GPR83: variants seen among roughly 807,000 people sequenced by gnomAD.
GPR83 encodes the protein G protein-coupled receptor 83, also known as G-protein coupled receptor 72.
GPR83 carries 23 observed loss-of-function variants against 28.0 expected under a neutral mutation model. The ratio of observed to expected loss-of-function variants is 0.82; its 90% CI spans 0.59 to 1.16. The LOEUF (loss-of-function observed/expected upper bound fraction) is 1.16, where lower values mean the gene tolerates loss of function less well. Among genes scored for constraint, GPR83 ranks in the 50% most tolerant of loss-of-function variants. The pLI is 0.00. For missense variants in GPR83, 610 were observed against 536.6 expected, an observed-to-expected ratio of 1.14 and a Z score of -1.35; for synonymous variants, 234 against 215.4, an observed-to-expected ratio of 1.09 and a Z score of -0.76.
rs944642429 is a variant in GPR83 at position 94,377,503 on chromosome 11, A to T, written c.*2646T>A. ...GCCATCAGTGGGTTCTCCCCAGAGT[A>T]AAAGGGTTTTCTCTGGGACTTGGCA... On this transcript the variant is annotated 3_prime_UTR_variant, in exon 4 of 4. Coordinates refer to ENST00000243673, the MANE Select transcript of GPR83 (RefSeq NM_016540.4). 6.6e-6 allele frequency: 1 copy of T among 152,198 alleles called. No homozygotes were observed. Among genetic ancestry groups the T allele is most frequent in the African/African-American group, 2.4e-5 (1 of 41,454 alleles). 9.4% of individuals were successfully genotyped at this position (152,198 alleles called of 1,614,324 possible).
chr11:94,391,601 C>T (rs1412796066), intron 3 of GPR83, among the ~76,000 whole-genome samples: 1 of 152,112 alleles, frequency 6.6e-6, no homozygotes, highest in East Asian at 1.9e-4. Flanking sequence ...CCAGGATCTA[C>T]AAAGAACTTA....
chr11:94,390,660 C>A (rs1254341230), intron 3 of GPR83, among the ~76,000 whole-genome samples: 2 of 152,054 alleles, frequency 1.3e-5, no homozygotes, highest in Non-Finnish European at 2.9e-5. Context: ...AAAATCACGA[C>A]CATTCCTATA....
chr11:94,398,311 C>A (rs968029499), intron 1 of GPR83, among the ~76,000 whole-genome samples: 2 of 152,182 alleles, frequency 1.3e-5, no homozygotes, highest in African/African-American at 4.8e-5. Context: ...CCTGGCCCCG[C>A]CTTTCCTTCT....
chr11:94,382,757 T>C (rs929102444), intron 3 of GPR83, among the ~76,000 whole-genome samples: 4 of 152,174 alleles, frequency 2.6e-5, no homozygotes, highest in African/African-American at 4.8e-5. Context: ...ATCACACTTA[T>C]TCTAAAATTG....
Position 94,378,505 on chromosome 11 carries a change from GA to G in GPR83, c.*1643del, listed in dbSNP as rs1353871837. On this transcript the variant is annotated 3_prime_UTR_variant, in exon 4 of 4. Transcript: ENST00000243673. Reference sequence around the variant, plus strand: ...ACAGTGAGTCACTCAGGACCAGACAGAAGGTGATAAAAACAATCAGTCCCTG... The same window carrying G: ...ACAGTGAGTCACTCAGGACCAGACAGAGGTGATAAAAACAATCAGTCCCTG... 6.6e-6 allele frequency: 1 copy of G among 152,250 alleles called. No individual in the cohort carries two copies. The highest frequency in any genetic ancestry group is 1.5e-5 in the Non-Finnish European group (1 of 68,056). 9.4% of individuals were successfully genotyped at this position (152,250 alleles called of 1,614,324 possible).
At chr11:94,391,690 G>A (rs377728007) in intron 3 of GPR83, among the ~76,000 whole-genome samples, 1 of 152,184 alleles carries the variant, frequency 6.6e-6, no homozygotes, top group Admixed American at 6.5e-5. Flanking sequence ...CTCAGAAGAA[G>A]ACATTTATGC....
intron 1 of GPR83, among the ~76,000 whole-genome samples, chr11:94,400,604 C>G (rs750779395): frequency 2.0e-5 from 3 of 147,728 alleles, no homozygotes; most frequent in Admixed American, 6.7e-5. Context: ...AGAAAGACTT[C>G]AGAGAGAGAG....
chr11:94,385,148 G>A (rs1214170425), intron 3 of GPR83, among the ~76,000 whole-genome samples: 1 of 152,226 alleles, frequency 6.6e-6, no homozygotes, highest in Non-Finnish European at 1.5e-5. Context: ...CCGACTGTTA[G>A]AAGGAAAACT....
chr11:94,386,020 C>T (rs1356665198), intron 3 of GPR83, among the ~76,000 whole-genome samples: 1 of 152,102 alleles, frequency 6.6e-6, no homozygotes, highest in South Asian at 2.1e-4. Context: ...CCCTACAAGC[C>T]AGAAGAGAGT....
At chr11:94,396,338 A>C in intron 2 of GPR83, 61 bp downstream of exon 2, 1 of 1,563,924 alleles carries the variant, frequency 6.4e-7, no homozygotes, top group Non-Finnish European at 8.8e-7. Flanking sequence ...GAGCCCCTGC[A>C]ACTTCCAGGA....
intron 2 of GPR83, among the ~76,000 whole-genome samples, chr11:94,395,830 A>G (rs1233326218): frequency 2.6e-5 from 4 of 152,110 alleles, no homozygotes; most frequent in Non-Finnish European, 5.9e-5. Context: ...TCTCTCACTC[A>G]TCTCTGACCT....
intron 3 of GPR83, among the ~76,000 whole-genome samples, chr11:94,383,138 G>A (rs1354700173): frequency 6.7e-6 from 1 of 150,234 alleles, no homozygotes; most frequent in South Asian, 2.1e-4. Context: ...GCGACAGAGT[G>A]AGACTCCGTC....
At chr11:94,388,638 G>A (rs1162252698) in intron 3 of GPR83, among the ~76,000 whole-genome samples, 2 of 152,116 alleles carry the variant, frequency 1.3e-5, no homozygotes, top group African/African-American at 2.4e-5. Flanking sequence ...ACCTCTTCAA[G>A]GAGAACTACA....
chr11:94,386,001 T>A (rs915655133), intron 3 of GPR83, among the ~76,000 whole-genome samples: 4 of 152,178 alleles, frequency 2.6e-5, no homozygotes, highest in Non-Finnish European at 4.4e-5. Context: ...GTGGATCTCT[T>A]GGCAGAAACC....
In GPR83 at chr11:94,377,904, T is replaced by G. The variant is rs1359272928; in HGVS notation, c.*2245A>C. On this transcript the variant is annotated 3_prime_UTR_variant, in exon 4 of 4. Coordinates refer to ENST00000243673, the MANE Select transcript of GPR83 (RefSeq NM_016540.4). ...GGAGCTTCTGTATTCCTAGACACCCTCAGAGAGGAGTGAAGTACAACATCC... is the reference window on the plus strand; with the variant it reads ...GGAGCTTCTGTATTCCTAGACACCCGCAGAGAGGAGTGAAGTACAACATCC... 1 of 152,208 alleles carries G rather than the reference T, an allele frequency of 6.6e-6. No homozygotes were observed. The highest frequency in any genetic ancestry group is 2.4e-5 in the African/African-American group (1 of 41,446). The allele number at this position is 152,208 out of a possible 1,614,324, so 9.4% of individuals were successfully genotyped here. A position where few individuals can be genotyped will look rare whatever the true frequency, so the allele number is the denominator to read the frequency against.
chr11:94,384,281 C>G (rs1020761391), intron 3 of GPR83, among the ~76,000 whole-genome samples: 3 of 152,180 alleles, frequency 2.0e-5, no homozygotes, highest in African/African-American at 7.2e-5. Flanking sequence ...CAAAATTCAG[C>G]ACCCTTTCAT....
intron 3 of GPR83, among the ~76,000 whole-genome samples, chr11:94,382,343 CAAAAAAAAAAAA>C (rs57302833): frequency 1.0e-4 from 7 of 67,302 alleles, no homozygotes; most frequent in African/African-American, 4.4e-4. Flanking sequence ...AACACCATCT[CAAAAAAAAAAAA>C]AAAAAAAAAA....
At chr11:94,389,818 G>A (rs113303908) in intron 3 of GPR83, among the ~76,000 whole-genome samples, 1 of 152,166 alleles carries the variant, frequency 6.6e-6, no homozygotes, top group Non-Finnish European at 1.5e-5. Context: ...TCCCATTACT[G>A]GGTATATACC....
chr11:94,397,384 T>C (rs1944876548), intron 1 of GPR83, among the ~76,000 whole-genome samples: 1 of 152,164 alleles, frequency 6.6e-6, no homozygotes, highest in Non-Finnish European at 1.5e-5. Context: ...TCAACTCAAG[T>C]GCAAGACAGA....
Sources: gnomAD v4.1 joint callset for allele counts (sites outside exome capture counted in the v4.1 genomes callset) on GRCh38, gnomAD v4.1.1 for gene constraint, MANE v1.5 for transcripts, NCBI Gene and HGNC (gene_info 2026-07-23, HGNC 2026-07-21) for gene names.